Variants in EPHA6 observed in about 807,000 individuals in gnomAD.
The protein encoded by EPHA6 is EPH receptor A6.
EPHA6 carries 50 observed loss-of-function variants against 112.0 expected under a neutral mutation model. That is an observed-to-expected ratio of 0.45 (90% CI 0.36 to 0.56). The LOEUF is 0.56. Among genes scored for constraint, EPHA6 ranks in the 20% least tolerant of loss-of-function variants. EPHA6 has a pLI of 0.00. For missense variants in EPHA6, 1,280 were observed against 1,417.4 expected, an observed-to-expected ratio of 0.90 and a Z score of 1.56; for synonymous variants, 529 against 490.7, an observed-to-expected ratio of 1.08 and a Z score of -1.03.
At chr3:97,667,746 C>G (rs1379546517) in intron 14 of EPHA6, among the ~76,000 whole-genome samples, 1 of 152,106 alleles carries the variant, frequency 6.6e-6, no homozygotes, top group Admixed American at 6.5e-5. Flanking sequence ...TGCAGCAGAC[C>G]AGTGCCTGAC....
At chr3:96,853,730 T>C (rs2035528238) in intron 1 of EPHA6, among the ~76,000 whole-genome samples, 1 of 152,066 alleles carries the variant, frequency 6.6e-6, no homozygotes, top group African/African-American at 2.4e-5. Flanking sequence ...TCATTTTTTT[T>C]TCCTGCTCTT....
intron 3 of EPHA6, among the ~76,000 whole-genome samples, chr3:97,170,743 G>C (rs942950920): frequency 7.7e-6 from 1 of 129,314 alleles, no homozygotes; most frequent in Non-Finnish European, 1.6e-5. Flanking sequence ...TCTCAAAAAA[G>C]AAAAAGAAAA....
intron 11 of EPHA6, among the ~76,000 whole-genome samples, chr3:97,548,895 C>T (rs541797468): frequency 7.2e-5 from 11 of 152,116 alleles, no homozygotes; most frequent in East Asian, 1.9e-4. Context: ...ATTGCACATA[C>T]GAAGGTGAAG....
chr3:97,440,909 A>C (rs1292038629), intron 6 of EPHA6, among the ~76,000 whole-genome samples: 1 of 151,884 alleles, frequency 6.6e-6, no homozygotes, highest in Non-Finnish European at 1.5e-5. Flanking sequence ...ATATATCAAT[A>C]AATATAAAGG....
intron 5 of EPHA6, among the ~76,000 whole-genome samples, chr3:97,275,875 G>A (rs1273048515): frequency 6.6e-6 from 1 of 151,980 alleles, no homozygotes; most frequent in Non-Finnish European, 1.5e-5. Flanking sequence ...TTGAACTGGG[G>A]GGAAAGGTGG....
chr3:97,322,342 C>T (rs1223853301), intron 5 of EPHA6, among the ~76,000 whole-genome samples: 1 of 151,932 alleles, frequency 6.6e-6, no homozygotes, highest in East Asian at 1.9e-4. Flanking sequence ...CCCACATTTC[C>T]TGTTTATGGA....
chr3:97,696,193 T>G (rs1268658987), intron 14 of EPHA6, among the ~76,000 whole-genome samples: 3 of 152,226 alleles, frequency 2.0e-5, no homozygotes, highest in Non-Finnish European at 4.4e-5. Context: ...CTAGTCATTC[T>G]GTATCTTGCC....
At chr3:97,227,440 C>T (rs999847667) in intron 4 of EPHA6, among the ~76,000 whole-genome samples, 2 of 152,062 alleles carry the variant, frequency 1.3e-5, no homozygotes, top group Non-Finnish European at 2.9e-5. Flanking sequence ...AGGCTGGTCT[C>T]GAACTCCTGA....
At chr3:97,272,420 A>G (rs1269262281) in intron 5 of EPHA6, among the ~76,000 whole-genome samples, 2 of 152,108 alleles carry the variant, frequency 1.3e-5, no homozygotes, top group Non-Finnish European at 2.9e-5. Context: ...TCATTGTGTG[A>G]ACATCATCAT....
At chr3:97,467,897 T>C (rs1218814858) in intron 7 of EPHA6, among the ~76,000 whole-genome samples, 2 of 151,674 alleles carry the variant, frequency 1.3e-5, no homozygotes, top group Non-Finnish European at 3.0e-5. Flanking sequence ...AGAAAATACT[T>C]CATTATGCTG....
At chr3:97,375,536 A>AT (rs1325181464) in intron 5 of EPHA6, among the ~76,000 whole-genome samples, 1 of 152,100 alleles carries the variant, frequency 6.6e-6, no homozygotes, top group Non-Finnish European at 1.5e-5. Flanking sequence ...AAATTAATCA[A>AT]TTTTTTTCTA....
intron 11 of EPHA6, 111 bp from the exon 12 acceptor site, chr3:97,592,501 T>G (rs189613287): frequency 1.5e-6 from 2 of 1,295,038 alleles, no homozygotes; most frequent in East Asian, 4.8e-5. Context: ...ATTTTATAAC[T>G]TCTTCGTAAA....
intron 2 of EPHA6, among the ~76,000 whole-genome samples, chr3:96,897,086 C>T (rs900974934): frequency 1.1e-4 from 16 of 151,658 alleles, no homozygotes; most frequent in African/African-American, 3.9e-4. Context: ...ACATCTTTAA[C>T]AAAGTGTTTG....
At chr3:97,172,102 T>A (rs913406752) in intron 3 of EPHA6, among the ~76,000 whole-genome samples, 39 of 151,996 alleles carry the variant, frequency 2.6e-4, no homozygotes, top group African/African-American at 9.2e-4. Flanking sequence ...AAAAAAGTGG[T>A]GGGTGCTGTC....
intron 2 of EPHA6, among the ~76,000 whole-genome samples, chr3:96,890,695 A>ATATGGGGC (rs1575939784): frequency 6.6e-6 from 1 of 152,240 alleles, no homozygotes; most frequent in East Asian, 1.9e-4. Flanking sequence ...TTCGAAGAGG[A>ATATGGGGC]TATGGGGCAA....
chr3:97,429,566 C>T (rs1187186864), intron 6 of EPHA6, among the ~76,000 whole-genome samples: 1 of 151,982 alleles, frequency 6.6e-6, no homozygotes, highest in Non-Finnish European at 1.5e-5. Context: ...GGACCTCAGC[C>T]GTGAGCCTAG....
intron 5 of EPHA6, among the ~76,000 whole-genome samples, chr3:97,296,170 G>A (rs2080868353): frequency 6.6e-6 from 1 of 152,030 alleles, no homozygotes; most frequent in African/African-American, 2.4e-5. Context: ...TGTTTGCAGT[G>A]GGCTGGGTGG....
chr3:97,034,565 A>G (rs1246602713), intron 3 of EPHA6, among the ~76,000 whole-genome samples: 1 of 151,902 alleles, frequency 6.6e-6, no homozygotes, highest in Non-Finnish European at 1.5e-5. Context: ...AGTCACCTCC[A>G]GCTATAAATT....
At chr3:97,481,384 C>A in intron 9 of EPHA6, 1 of 1,512,854 alleles carries the variant, frequency 6.6e-7, no homozygotes, top group Admixed American at 1.7e-5. Context: ...TTTCTACTCC[C>A]TGAAATTTTT....
Sources: allele counts gnomAD v4.1 joint callset (sites outside exome capture counted in the v4.1 genomes callset), GRCh38; gene constraint gnomAD v4.1.1; transcripts MANE v1.5; gene names NCBI Gene and HGNC (gene_info 2026-07-23, HGNC 2026-07-21).